Variants in PARD3B observed in about 807,000 individuals in gnomAD.
The protein encoded by PARD3B is partitioning defective 3 homolog B.
A neutral mutation model predicts 130.2 loss-of-function variants in PARD3B; 103 were observed. The ratio of observed to expected loss-of-function variants is 0.79; its 90% CI spans 0.67 to 0.93. PARD3B has a LOEUF of 0.93. Among genes scored for constraint, PARD3B ranks in the 40% least tolerant of loss-of-function variants. PARD3B has a pLI of 0.00. For synonymous variants in PARD3B, 583 were observed against 553.2 expected (o/e 1.05, Z -0.76); for missense variants, 1,609 against 1,499.2 (o/e 1.07, Z -1.21).
intron 2 of PARD3B, among the ~76,000 whole-genome samples, chr2:204,865,494 T>A (rs1293416530): frequency 6.6e-6 from 1 of 152,210 alleles, no homozygotes; most frequent in African/African-American, 2.4e-5. Context: ...GCCATCTGAA[T>A]GGAATTGGAG....
At chr2:204,550,878 A>G (rs567566285) in intron 1 of PARD3B, among the ~76,000 whole-genome samples, 1 of 152,296 alleles carries the variant, frequency 6.6e-6, no homozygotes, top group South Asian at 2.1e-4. Flanking sequence ...TTGAATTTCT[A>G]AACTTTTCAG....
rs1188869532 is a variant in PARD3B at position 205,381,060 on chromosome 2, G to A, written c.2631-19953G>A. 9.0e-4 allele frequency among the ~76,000 whole-genome samples: 57 copies of A among 63,612 alleles called. 3 individuals carry two copies. Among genetic ancestry groups the A allele is most frequent in the Non-Finnish European group, 1.1e-3 (44 of 40,552 alleles). 41.7% of individuals were successfully genotyped at this position (63,612 alleles called of 152,430 possible). ...ATAAAGAATATATATTATATATAAAGAATATATATTATATATATTATATAT... is the reference window on the plus strand; with the variant it reads ...ATAAAGAATATATATTATATATAAAAAATATATATTATATATATTATATAT... On this transcript the variant is annotated intron_variant, in intron 18 of 22. Transcript: ENST00000406610.
intron 2 of PARD3B, among the ~76,000 whole-genome samples, chr2:204,731,959 A>G (rs1238220867): frequency 6.6e-6 from 1 of 152,034 alleles, no homozygotes; most frequent in Non-Finnish European, 1.5e-5. Flanking sequence ...TTCCCTTTTC[A>G]TTAGGGAAGG....
intron 7 of PARD3B, 87 bp downstream of exon 7, chr2:205,119,133 GGTAGAAT>G: frequency 7.0e-7 from 1 of 1,437,862 alleles, no homozygotes; most frequent in Non-Finnish European, 9.2e-7. Context: ...CAAAATAGTA[GGTAGAAT>G]TTCTAGTCAG....
intron 1 of PARD3B, among the ~76,000 whole-genome samples, chr2:204,619,616 G>A (rs760918986): frequency 3.9e-5 from 6 of 152,160 alleles, no homozygotes; most frequent in East Asian, 3.9e-4. Flanking sequence ...CTTTATTGCC[G>A]CATTAACTGC....
chr2:205,588,065 C>T (rs929542736), intron 22 of PARD3B, among the ~76,000 whole-genome samples: 1 of 152,194 alleles, frequency 6.6e-6, no homozygotes, highest in Non-Finnish European at 1.5e-5. Flanking sequence ...AAGGCAAAAA[C>T]TTGGGAAGAA....
chr2:205,605,843 C>T (rs2054974838), intron 22 of PARD3B, among the ~76,000 whole-genome samples: 1 of 152,178 alleles, frequency 6.6e-6, no homozygotes, highest in African/African-American at 2.4e-5. Context: ...GAGCCAGCAG[C>T]AGGAAGACTA....
At chr2:204,615,466 A>C (rs2034075556) in intron 1 of PARD3B, among the ~76,000 whole-genome samples, 1 of 152,182 alleles carries the variant, frequency 6.6e-6, no homozygotes, top group Non-Finnish European at 1.5e-5. Flanking sequence ...GACACATCTC[A>C]TTGTACAGTA....
At chr2:204,552,740 A>G in intron 1 of PARD3B, among the ~76,000 whole-genome samples, 1 of 152,152 alleles carries the variant, frequency 6.6e-6, no homozygotes, top group East Asian at 1.9e-4. Context: ...TCGCAGCACC[A>G]TTTGTTGAAT....
intron 3 of PARD3B, among the ~76,000 whole-genome samples, chr2:205,039,676 G>A (rs1325032828): frequency 1.3e-5 from 2 of 151,996 alleles, no homozygotes; most frequent in Non-Finnish European, 2.9e-5. Flanking sequence ...TGTCATGTTG[G>A]CCAGGCTGGT....
At chr2:204,557,637 C>T (rs79232562) in intron 1 of PARD3B, among the ~76,000 whole-genome samples, 4,867 of 152,178 alleles carry the variant, frequency 0.032, 265 homozygotes, top group African/African-American at 0.11. Flanking sequence ...GTCAACATGG[C>T]GTTTGTAAGT....
chr2:204,930,521 T>C (rs948737935), intron 2 of PARD3B, among the ~76,000 whole-genome samples: 3 of 152,196 alleles, frequency 2.0e-5, no homozygotes, highest in Admixed American at 6.5e-5. Context: ...GAGGGCTGAC[T>C]ATATTTTGTA....
chr2:204,870,745 T>C (rs1043045577), intron 2 of PARD3B, among the ~76,000 whole-genome samples: 2 of 152,174 alleles, frequency 1.3e-5, no homozygotes, highest in Non-Finnish European at 2.9e-5. Flanking sequence ...AATGAGCTGG[T>C]TTTTTAAAGT....
At chr2:204,742,193 A>G (rs952109316) in intron 2 of PARD3B, among the ~76,000 whole-genome samples, 9 of 152,110 alleles carry the variant, frequency 5.9e-5, no homozygotes, top group Non-Finnish European at 1.3e-4. Flanking sequence ...CTTATTATTT[A>G]TGTAAGGTAG....
In PARD3B at chr2:205,585,269, G is replaced by A. The variant is rs1575425308; in HGVS notation, c.3261-30187G>A. Among the ~76,000 whole-genome samples, 1 of 152,136 alleles carries A rather than the reference G, an allele frequency of 6.6e-6. No homozygotes were observed. The highest frequency in any genetic ancestry group is 1.5e-5 in the Non-Finnish European group (1 of 68,014). On this transcript the variant is annotated intron_variant, in intron 22 of 22. Transcript: ENST00000406610. The surrounding 1 kb of genome is among the most constrained non-coding windows in gnomAD (Gnocchi z 5.4). ...TATCCCACAAAGTAAATGCTGTCTT[G>A]GGCTTTTAAGTGAATTGGGGCTAAC...
chr2:205,557,643 GC>G (rs2106510750), intron 22 of PARD3B, among the ~76,000 whole-genome samples: 1 of 152,326 alleles, frequency 6.6e-6, no homozygotes, highest in South Asian at 2.1e-4. Context: ...TGATATTAGA[GC>G]CTCGGTAATA....
At chr2:204,834,412 G>C (rs996805316) in intron 2 of PARD3B, among the ~76,000 whole-genome samples, 2 of 152,158 alleles carry the variant, frequency 1.3e-5, no homozygotes, top group African/African-American at 2.4e-5. Flanking sequence ...AGTTTTACAT[G>C]ATTGAATAAT....
intron 11 of PARD3B, 124 bp downstream of exon 11, chr2:205,159,031 C>CA (rs1171255495): frequency 1.0e-5 from 10 of 997,376 alleles, no homozygotes; most frequent in African/African-American, 5.0e-5. Context: ...CCGCCAGATA[C>CA]AAAAAATATA....
chr2:205,219,106 G>C (rs972708992), intron 15 of PARD3B, among the ~76,000 whole-genome samples: 6 of 151,734 alleles, frequency 4.0e-5, no homozygotes, highest in African/African-American at 1.5e-4. Flanking sequence ...CTGCCTGTGA[G>C]GTCACTCTGG....
Sources: gnomAD v4.1 joint callset for allele counts (sites outside exome capture counted in the v4.1 genomes callset) on GRCh38, gnomAD v4.1.1 for gene constraint, Gnocchi (gnomAD v3.1) non-coding constraint, MANE v1.5 for transcripts, NCBI Gene and HGNC (gene_info 2026-07-23, HGNC 2026-07-21) for gene names.